The following FKBP8 variants were observed in gnomAD, a reference collection of about 807,000 sequenced individuals.
The protein encoded by FKBP8 is FKBP prolyl isomerase 8.
FKBP8 carries 5 observed loss-of-function variants against 41.7 expected under a neutral mutation model. The ratio of observed to expected loss-of-function variants is 0.12; its 90% CI spans 0.06 to 0.25. The LOEUF (loss-of-function observed/expected upper bound fraction) is 0.25, where lower values mean the gene tolerates loss of function less well. FKBP8 is among the 10% of genes least tolerant of loss of function. The probability of loss-of-function intolerance (pLI) is 1.00; values close to 1 mark genes in which losing one functional copy is unlikely to be tolerated. For missense variants in FKBP8, 397 were observed against 563.0 expected, an observed-to-expected ratio of 0.71 and a Z score of 2.98; for synonymous variants, 279 against 254.5, an observed-to-expected ratio of 1.10 and a Z score of -0.92.
intron 7 of FKBP8, chr19:18,533,027 G>C (rs757126541): frequency 9.1e-5 from 68 of 743,224 alleles, no homozygotes; most frequent in Non-Finnish European, 1.3e-4. Flanking sequence ...CTGGAAGGAA[G>C]GCCAAGGACA....
At chr19:18,534,680 C>T (rs895193344) in intron 6 of FKBP8, among the ~76,000 whole-genome samples, 10 of 152,080 alleles carry the variant, frequency 6.6e-5, no homozygotes, top group African/African-American at 2.2e-4. Context: ...CTCCTAGGCT[C>T]ACACAATCCT....
intron 7 of FKBP8, 171 bp downstream of exon 7, chr19:18,533,099 G>T: frequency 1.4e-6 from 1 of 692,928 alleles, no homozygotes; most frequent in Non-Finnish European, 2.4e-6. Flanking sequence ...CAGACTGCCT[G>T]TGTGGCCGTC....
chr19:18,532,003 G>C lies in FKBP8; in HGVS notation c.*166C>G. The stretch of plus-strand genomic sequence containing the variant: ...TCCCTCTGGGCTTTCCTCCTAGAGG[G>C]CCTCAGTCCCTCCTGCTGGCTGGGC... On this transcript the variant is annotated 3_prime_UTR_variant, in exon 9 of 9. Transcript: ENST00000608443. 1.6e-6 allele frequency: 1 copy of C among 636,416 alleles called. No individual in the cohort carries two copies. Among genetic ancestry groups the C allele is most frequent in the Non-Finnish European group, 2.8e-6 (1 of 353,192 alleles). 39.4% of individuals were successfully genotyped at this position (636,416 alleles called of 1,614,324 possible). A position where few individuals can be genotyped will look rare whatever the true frequency, so the allele number is the denominator to read the frequency against.
chr19:18,537,935 T>C lies in FKBP8; in HGVS notation c.773-162A>G, dbSNP rs1490686609. On this transcript the variant is annotated intron_variant, in intron 5 of 8. Coordinates refer to ENST00000608443, the MANE Select transcript of FKBP8 (RefSeq NM_012181.5). This position sits in a 1 kb window ranked among gnomAD's most constrained non-coding sequence, Gnocchi z 4.4. ...GGGCTCTCCTGAGGAAGCTACAAGA[T>C]GGAGACTTAAGCAAGCGAGGGCCTA... 2 of 794,466 alleles carry C rather than the reference T, an allele frequency of 2.5e-6. No individual in the cohort carries two copies. The highest frequency in any genetic ancestry group is 3.5e-5 in the African/African-American group (2 of 57,332). 49.2% of individuals were successfully genotyped at this position (794,466 alleles called of 1,614,324 possible). A position where few individuals can be genotyped will look rare whatever the true frequency, so the allele number is the denominator to read the frequency against.
In FKBP8 at chr19:18,541,993, G is replaced by A. The variant is rs1415432756; in HGVS notation, c.-23C>T. The A allele has an allele frequency of 1.2e-6, 2 of 1,607,260 alleles. No individual in the cohort carries two copies. The highest frequency in any genetic ancestry group is 1.1e-5 in the South Asian group (1 of 90,820). On this transcript the variant is annotated splice_region_variant and 5_prime_UTR_variant, in exon 2 of 9. Transcript: ENST00000608443. Reference sequence around the variant, plus strand: ...CATGCTGCTGGGGGGACAGGAATTGGCCCTGGAAGTGGGGGGCAGAGATGT... The same window carrying A: ...CATGCTGCTGGGGGGACAGGAATTGACCCTGGAAGTGGGGGGCAGAGATGT...
In FKBP8 at chr19:18,538,085, G is replaced by A. The variant is rs927381480; in HGVS notation, c.772+131C>T. 2.9e-6 allele frequency: 3 copies of A among 1,022,218 alleles called. No homozygotes were observed. The highest frequency in any genetic ancestry group is 4.4e-6 in the Non-Finnish European group (3 of 688,230). The allele number at this position is 1,022,218 out of a possible 1,614,324, so 63.3% of individuals were successfully genotyped here. A position where few individuals can be genotyped will look rare whatever the true frequency, so the allele number is the denominator to read the frequency against. On this transcript the variant is annotated intron_variant, in intron 5 of 8. Coordinates refer to ENST00000608443, the MANE Select transcript of FKBP8 (RefSeq NM_012181.5). The surrounding 1 kb of genome is among the most constrained non-coding windows in gnomAD (Gnocchi z 4.0). ...TGTAACAGGCCCTAGCTTAGGGGCAGTTGGGGATCTACCCATATTCTGGGC... is the reference window on the plus strand; with the variant it reads ...TGTAACAGGCCCTAGCTTAGGGGCAATTGGGGATCTACCCATATTCTGGGC...
chr19:18,533,669 A>C (rs1600528412), intron 6 of FKBP8, among the ~76,000 whole-genome samples: 1 of 150,278 alleles, frequency 6.7e-6, no homozygotes, highest in Non-Finnish European at 1.5e-5. Context: ...ACACCACTGC[A>C]CCCCAGTCTG....
intron 4 of FKBP8, 96 bp downstream of exon 4, chr19:18,539,274 TA>T: frequency 2.7e-6 from 3 of 1,121,078 alleles, no homozygotes; most frequent in South Asian, 1.5e-5. Context: ...TTCTTGTCTA[TA>T]AAATGGGCAA....
intron 6 of FKBP8, among the ~76,000 whole-genome samples, chr19:18,534,411 G>T (rs1976522509): frequency 6.6e-6 from 1 of 152,140 alleles, no homozygotes; most frequent in South Asian, 2.1e-4. Context: ...CTCCCAAACT[G>T]CTCTCCTAGC....
rs904210139 is a variant in FKBP8 at position 18,537,901 on chromosome 19, G to A, written c.773-128C>T. The stretch of plus-strand genomic sequence containing the variant: ...ATTTTAACCCCGGACCAAGGGCCAC[G>A]CTTTCCTGGGGCTCTCCTGAGGAAG... On this transcript the variant is annotated intron_variant, in intron 5 of 8. Transcript: ENST00000608443. This position sits in a 1 kb window ranked among gnomAD's most constrained non-coding sequence, Gnocchi z 4.4. 35 of 996,138 alleles carry A rather than the reference G, an allele frequency of 3.5e-5. No individual in the cohort carries two copies. The East Asian group carries it at 6.2e-4, about 18-fold the overall frequency. The allele number at this position is 996,138 out of a possible 1,614,324, so 61.7% of individuals were successfully genotyped here. A position where few individuals can be genotyped will look rare whatever the true frequency, so the allele number is the denominator to read the frequency against.
Position 18,531,805 on chromosome 19 carries a change from C to T in FKBP8, c.*364G>A, listed in dbSNP as rs1976455721. 1 of 195,904 alleles carries T rather than the reference C, an allele frequency of 5.1e-6. No homozygotes were observed. The highest frequency in any genetic ancestry group is 9.2e-6 in the Non-Finnish European group (1 of 108,224). The allele number at this position is 195,904 out of a possible 1,614,324, so 12.1% of individuals were successfully genotyped here. A position where few individuals can be genotyped will look rare whatever the true frequency, so the allele number is the denominator to read the frequency against. The stretch of plus-strand genomic sequence containing the variant: ...TATTTCACTGTGGCGGGGAGGGAAC[C>T]TGGACAGGGGGCGGCAGGCGGGGTG... On this transcript the variant is annotated 3_prime_UTR_variant, in exon 9 of 9. Transcript: ENST00000608443.
chr19:18,538,159 G>T lies in FKBP8; in HGVS notation c.772+57C>A. ...AGGCTCTCTGGGGCTGGAAGTTTCT[G>T]GCACGGAGTGGACACCTTTGCAGGG... is the stretch of plus-strand genomic sequence containing the variant. On this transcript the variant is annotated intron_variant, in intron 5 of 8. Transcript: ENST00000608443. The surrounding 1 kb of genome is among the most constrained non-coding windows in gnomAD (Gnocchi z 4.0). 1 of 1,516,956 alleles carries T rather than the reference G, an allele frequency of 6.6e-7. No homozygotes were observed. The highest frequency in any genetic ancestry group is 9.0e-7 in the Non-Finnish European group (1 of 1,115,332). The allele number at this position is 1,516,956 out of a possible 1,614,324, so 94.0% of individuals were successfully genotyped here.
chr19:18,535,419 A>T (rs1391288747), intron 6 of FKBP8, among the ~76,000 whole-genome samples: 1 of 151,994 alleles, frequency 6.6e-6, no homozygotes, highest in East Asian at 1.9e-4. Flanking sequence ...CATGACCCAA[A>T]TGAGTCAATG....
Position 18,538,072 on chromosome 19 carries a change from T to C in FKBP8, c.772+144A>G. ...TATACCACGAGTCTGTAACAGGCCC[T>C]AGCTTAGGGGCAGTTGGGGATCTAC... On this transcript the variant is annotated intron_variant, in intron 5 of 8. Coordinates refer to ENST00000608443, the MANE Select transcript of FKBP8 (RefSeq NM_012181.5). This position sits in a 1 kb window ranked among gnomAD's most constrained non-coding sequence, Gnocchi z 4.0. The C allele has an allele frequency of 3.3e-6, 3 of 905,810 alleles. No homozygotes were observed. Among genetic ancestry groups the C allele is most frequent in the Non-Finnish European group, 3.4e-6 (2 of 588,138 alleles). 56.1% of individuals were successfully genotyped at this position (905,810 alleles called of 1,614,324 possible). A position where few individuals can be genotyped will look rare whatever the true frequency, so the allele number is the denominator to read the frequency against.
At chr19:18,536,837 A>G (rs1976589977) in intron 6 of FKBP8, among the ~76,000 whole-genome samples, 1 of 152,262 alleles carries the variant, frequency 6.6e-6, no homozygotes, top group Non-Finnish European at 1.5e-5. Flanking sequence ...GGCAATGCCT[A>G]CGCAAAGGCC....
rs1400540740 is a variant in FKBP8 at position 18,539,739 on chromosome 19, A to G, written c.293-19T>C. 3 of 1,602,730 alleles carry G rather than the reference A, an allele frequency of 1.9e-6. No homozygotes were observed. Among genetic ancestry groups the G allele is most frequent in the South Asian group, 1.1e-5 (1 of 91,076 alleles). On this transcript the variant is annotated intron_variant, in intron 2 of 8. Coordinates refer to ENST00000608443, the MANE Select transcript of FKBP8 (RefSeq NM_012181.5). ...CCGTTCCCTGCCAGGGTCCAGGGAC[A>G]TGCAGCCTGTCACCTGGCAGCTCAA...
In FKBP8 at chr19:18,537,706, C is replaced by T. The variant is rs779801541; in HGVS notation, c.840G>A (p.Ala280=). Reference sequence around the variant, plus strand: ...AGTGGTCGAGCTTCAGCTGCGAGGCCGCCAGGTTGTTCAGACACTTCACCT... The same window carrying T: ...AGTGGTCGAGCTTCAGCTGCGAGGCTGCCAGGTTGTTCAGACACTTCACCT... ...QLKVKCLNNL[A]ASQLKLDHYR... Residue 280 remains alanine (A), a synonymous_variant, in exon 6 of 9, where the codon GCG becomes GCA. Transcript: ENST00000608443. The surrounding 1 kb of genome is among the most constrained non-coding windows in gnomAD (Gnocchi z 4.4). The T allele has an allele frequency of 1.4e-5, 23 of 1,613,868 alleles. No individual in the cohort carries two copies. Among genetic ancestry groups the T allele is most frequent in the East Asian group, 6.7e-5 (3 of 44,890 alleles).
chr19:18,541,810 G>A lies in FKBP8; in HGVS notation c.161C>T (p.Pro54Leu), dbSNP rs749228796. The A allele has an allele frequency of 8.1e-6, 13 of 1,613,568 alleles. No homozygotes were observed. The highest frequency in any genetic ancestry group is 4.0e-5 in the African/African-American group (3 of 74,916). Residue 54 changes from proline (P) to leucine (L), a missense_variant, in exon 2 of 9, where the codon CCG becomes CTG. Physicochemically the swap from Pro to Leu is moderately conservative, Grantham distance 98 (BLOSUM62 -3). This residue lies in a region of FKBP8 where 172 missense variants were observed against 196.2 expected (regional missense o/e 0.88). Transcript: ENST00000608443. ...CGGGGGTTGTCCCATGTCCTCCAGC[G>A]GTGGCAGCTCACTCAGGTCATCCTC... ...EEEDDLSELP[P>L]LEDMGQPPAE...
Position 18,537,798 on chromosome 19 carries a change from G to A in FKBP8, c.773-25C>T, listed in dbSNP as rs777928575. 43 of 1,585,030 alleles carry A rather than the reference G, an allele frequency of 2.7e-5. No homozygotes were observed. The East Asian group carries it at 3.6e-4, about 13-fold the overall frequency. ...ACTATTGGGAGACAGTGCCCGCCAC[G>A]GCAGCCGTCACCATGCCACCAGACA... is the stretch of plus-strand genomic sequence containing the variant. On this transcript the variant is annotated intron_variant, in intron 5 of 8. Coordinates refer to ENST00000608443, the MANE Select transcript of FKBP8 (RefSeq NM_012181.5). The surrounding 1 kb of genome is among the most constrained non-coding windows in gnomAD (Gnocchi z 4.4).
Sources: allele counts gnomAD v4.1 joint callset (sites outside exome capture counted in the v4.1 genomes callset), GRCh38; gene constraint gnomAD v4.1.1; regional missense constraint gnomAD v4.1.1; non-coding constraint Gnocchi (gnomAD v3.1); transcripts MANE v1.5; gene names NCBI Gene and HGNC (gene_info 2026-07-23, HGNC 2026-07-21).